The following KCTD8 variants were observed in gnomAD, a reference collection of about 807,000 sequenced individuals.
KCTD8 encodes potassium channel tetramerization domain containing 8.
In KCTD8, 27 loss-of-function variants were observed where a neutral mutation model predicts 31.5. The observed-to-expected ratio is 0.86, with a 90% CI of 0.63 to 1.18. KCTD8 has a LOEUF of 1.18. Ranked by LOEUF, KCTD8 falls within the 50% of genes most tolerant of loss-of-function variation. The probability of loss-of-function intolerance (pLI) is 0.00; values close to 1 mark genes in which losing one functional copy is unlikely to be tolerated. For missense variants in KCTD8, 658 were observed against 647.7 expected, an observed-to-expected ratio of 1.02 and a Z score of -0.17; for synonymous variants, 290 against 280.0, an observed-to-expected ratio of 1.04 and a Z score of -0.36.
intron 1 of KCTD8, among the ~76,000 whole-genome samples, chr4:44,436,880 TGCTCTGCTGACAATGCTG>T (rs1313049469): frequency 6.6e-6 from 1 of 152,120 alleles, no homozygotes; most frequent in Non-Finnish European, 1.5e-5. Context: ...CAAAGGCCAC[TGCTCTGCTGACAATGCTG>T]GCACCTTCCT....
chr4:44,363,707 T>G (rs1017009985), intron 1 of KCTD8, among the ~76,000 whole-genome samples: 1 of 152,112 alleles, frequency 6.6e-6, no homozygotes, highest in African/African-American at 2.4e-5. Context: ...ATACACACAG[T>G]AGTCACTTTT....
At chr4:44,419,529 G>C (rs569386547) in intron 1 of KCTD8, among the ~76,000 whole-genome samples, 56 of 152,238 alleles carry the variant, frequency 3.7e-4, no homozygotes, top group Admixed American at 7.8e-4. Flanking sequence ...CCATATAAAA[G>C]GATGAGTTCA....
rs567086064 is a variant in KCTD8 at position 44,235,810 on chromosome 4, C to T, written c.962-60560G>A. Among the ~76,000 whole-genome samples the T allele has an allele frequency of 8.6e-5, 13 of 151,926 alleles. No homozygotes were observed. The East Asian group carries it at 2.5e-3, about 30-fold the overall frequency. On this transcript the variant is annotated intron_variant, in intron 1 of 1. Transcript: ENST00000360029. ...AGTCAATCTTCCCCCAAACATACTA[C>T]AAAACATTGCAGGCTTCAGTTTTAT...
At chr4:44,312,826 G>A (rs931083041) in intron 1 of KCTD8, among the ~76,000 whole-genome samples, 4 of 152,088 alleles carry the variant, frequency 2.6e-5, no homozygotes, top group East Asian at 1.9e-4. Context: ...GAAACAGCCC[G>A]GCAATGAACT....
At chr4:44,239,670 C>T (rs990448338) in intron 1 of KCTD8, among the ~76,000 whole-genome samples, 1 of 152,170 alleles carries the variant, frequency 6.6e-6, no homozygotes, top group African/African-American at 2.4e-5. Flanking sequence ...CCATTTGACA[C>T]TTCAAAGATA....
chr4:44,448,103 C>G lies in KCTD8; in HGVS notation c.421G>C (p.Asp141His), dbSNP rs956366535. The G allele has an allele frequency of 6.2e-7, 1 of 1,612,640 alleles. No homozygotes were observed. The highest frequency in any genetic ancestry group is 1.3e-5 in the African/African-American group (1 of 75,026). The change falls in exon 1 of 2, where the codon GAC (aspartate) becomes CAC (histidine). Residue 141 changes from aspartate (D) to histidine (H), a missense_variant. By Grantham distance (81) the Asp-to-His change is moderately conservative. Coordinates refer to ENST00000360029, the MANE Select transcript of KCTD8 (RefSeq NM_198353.3). This position sits in a 1 kb window ranked among gnomAD's most constrained non-coding sequence, Gnocchi z 4.1. ...LREAEYFQLT[D>H]LVKLLSPKVT... ...TTGGGCGACAGCAGCTTGACCAAGT[C>G]GGTGAGCTGGAAATACTCGGCCTCG...
chr4:44,235,301 C>T (rs1158511093), intron 1 of KCTD8, among the ~76,000 whole-genome samples: 1 of 149,720 alleles, frequency 6.7e-6, no homozygotes, highest in Non-Finnish European at 1.5e-5. Flanking sequence ...GTCAGTCACC[C>T]AGCAAGAAAG....
intron 1 of KCTD8, among the ~76,000 whole-genome samples, chr4:44,213,425 G>A (rs1034954610): frequency 1.3e-5 from 2 of 152,138 alleles, no homozygotes; most frequent in Non-Finnish European, 2.9e-5. Flanking sequence ...GGTGGCAGTA[G>A]AACTCATAAC....
At chr4:44,199,117 T>C (rs1331984673) in intron 1 of KCTD8, among the ~76,000 whole-genome samples, 3 of 152,150 alleles carry the variant, frequency 2.0e-5, no homozygotes, top group African/African-American at 7.2e-5. Flanking sequence ...TAAAGATATA[T>C]ACACCCAACA....
chr4:44,316,069 AT>A (rs773518083), intron 1 of KCTD8, among the ~76,000 whole-genome samples: 1 of 151,480 alleles, frequency 6.6e-6, no homozygotes, highest in Non-Finnish European at 1.5e-5. Flanking sequence ...TCTTTTTCCC[AT>A]TTTTTTATTA....
In KCTD8 at chr4:44,197,496, T is replaced by A. The variant is rs542143618; in HGVS notation, c.962-22246A>T. 3.9e-5 allele frequency among the ~76,000 whole-genome samples: 6 copies of A among 152,312 alleles called. No individual in the cohort carries two copies. The East Asian group carries it at 7.7e-4, about 20-fold the overall frequency. ...ATGCTAAAATACAAAAGAGCCAATC[T>A]GCTGGCCATCATGCTTAAGCAATAT... On this transcript the variant is annotated intron_variant, in intron 1 of 1. Coordinates refer to ENST00000360029, the MANE Select transcript of KCTD8 (RefSeq NM_198353.3).
intron 1 of KCTD8, among the ~76,000 whole-genome samples, chr4:44,289,769 G>T (rs1349653259): frequency 6.6e-6 from 1 of 152,108 alleles, no homozygotes; most frequent in Non-Finnish European, 1.5e-5. Context: ...GGGGGATTTT[G>T]CACACAGGGC....
intron 1 of KCTD8, among the ~76,000 whole-genome samples, chr4:44,304,904 T>C (rs1234248920): frequency 6.6e-6 from 1 of 151,448 alleles, no homozygotes; most frequent in Non-Finnish European, 1.5e-5. Flanking sequence ...GGTGGGAGGA[T>C]CACTTGAGCC....
At chr4:44,194,113 T>C (rs1415307011) in intron 1 of KCTD8, among the ~76,000 whole-genome samples, 1 of 152,116 alleles carries the variant, frequency 6.6e-6, no homozygotes, top group Non-Finnish European at 1.5e-5. Context: ...AGAAGATACA[T>C]TTAAGACCAA....
chr4:44,383,522 C>T (rs945295016), intron 1 of KCTD8, among the ~76,000 whole-genome samples: 26 of 151,844 alleles, frequency 1.7e-4, no homozygotes, highest in African/African-American at 6.3e-4. Context: ...ATATTTACAG[C>T]CAAGTGATTT....
At chr4:44,346,368 T>C (rs1719037076) in intron 1 of KCTD8, among the ~76,000 whole-genome samples, 1 of 152,130 alleles carries the variant, frequency 6.6e-6, no homozygotes, top group Non-Finnish European at 1.5e-5. Context: ...ATCCTCACAT[T>C]CTTATATTCT....
chr4:44,185,564 T>G (rs1713560226), intron 1 of KCTD8, among the ~76,000 whole-genome samples: 1 of 152,220 alleles, frequency 6.6e-6, no homozygotes. Context: ...GCTCCCCATT[T>G]GGTGACTCCA....
chr4:44,304,436 T>G (rs937249986), intron 1 of KCTD8, among the ~76,000 whole-genome samples: 46 of 152,276 alleles, frequency 3.0e-4, no homozygotes, highest in African/African-American at 1.1e-3. Flanking sequence ...ATCAAAACAT[T>G]TTTTTGTTGG....
intron 1 of KCTD8, among the ~76,000 whole-genome samples, chr4:44,372,297 A>G (rs777595881): frequency 1.3e-5 from 2 of 152,218 alleles, no homozygotes; most frequent in African/African-American, 2.4e-5. Flanking sequence ...CTAATGTAAT[A>G]CAGTCCTTAC....
Sources: gnomAD v4.1 joint callset for allele counts (sites outside exome capture counted in the v4.1 genomes callset) on GRCh38, gnomAD v4.1.1 for gene constraint, Gnocchi (gnomAD v3.1) non-coding constraint, MANE v1.5 for transcripts, NCBI Gene and HGNC (gene_info 2026-07-23, HGNC 2026-07-21) for gene names.